The following RADX variants were observed in gnomAD, a reference collection of about 807,000 sequenced individuals.
RADX encodes the protein RPA-related protein RADX.
A neutral mutation model predicts 61.6 loss-of-function variants in RADX; 36 were observed. The ratio of observed to expected loss-of-function variants is 0.58; its 90% confidence interval spans 0.45 to 0.77. The LOEUF (loss-of-function observed/expected upper bound fraction) is 0.77, where lower values mean the gene tolerates loss of function less well. Among genes scored for constraint, RADX ranks in the 30% least tolerant of loss-of-function variants. The pLI is 0.00. For synonymous variants in RADX, 272 were observed against 237.9 expected (o/e 1.14, Z -1.32); for missense variants, 497 against 651.1 (o/e 0.76, Z 2.58).
Position 106,622,688 on chromosome X carries a change from C to G in RADX, c.681C>G (p.Thr227=), listed in dbSNP as rs762304799. Residue 227 remains threonine, a synonymous_variant, in exon 2 of 14, where the codon ACC becomes ACG. Coordinates refer to ENST00000372548, the MANE Select transcript of RADX (RefSeq NM_018015.6). ...TTTCCCTTTCTCATCTTGAAATGACCTGGACTAACAGAAGAAATTTTCCTG... is the reference window on the plus strand; with the variant it reads ...TTTCCCTTTCTCATCTTGAAATGACGTGGACTAACAGAAGAAATTTTCCTG... ...KIISLSHLEM[T]WTNRRNFPAL... is the part of the protein sequence containing the mutation. 4.3e-6 allele frequency: 5 copies of G among 1,167,563 alleles called. No homozygotes were observed. The African/African-American group carries it at 9.0e-5, about 21-fold the overall frequency.
intron 11 of RADX, among the ~76,000 whole-genome samples, chrX:106,661,010 A>G (rs1443920976): frequency 9.0e-6 from 1 of 111,030 alleles, no homozygotes. Context: ...CACTTATAAA[A>G]CCATCAGATC....
intron 1 of RADX, among the ~76,000 whole-genome samples, chrX:106,622,136 G>T (rs1270731586): frequency 9.1e-6 from 1 of 109,834 alleles, no homozygotes; most frequent in Non-Finnish European, 1.9e-5. Context: ...TGGGGGTTTT[G>T]CCATGTTGCC....
At chrX:106,627,336 C>T in intron 3 of RADX, among the ~76,000 whole-genome samples, 1 of 111,484 alleles carries the variant, frequency 9.0e-6, no homozygotes, top group East Asian at 2.8e-4. Context: ...CTAGCATTTT[C>T]TTTATTTTTA....
chrX:106,615,361 A>G lies in RADX; in HGVS notation c.643+2638A>G, dbSNP rs371620908. The stretch of plus-strand genomic sequence containing the variant: ...AGGCAAGATTTGGCTTGTGGGCTGT[A>G]TAATTTGCTGACCCCTGCCCTACAG... On this transcript the variant is annotated intron_variant, in intron 1 of 13. Transcript: ENST00000372548. 3.6e-5 allele frequency among the ~76,000 whole-genome samples: 4 copies of G among 111,379 alleles called. No homozygotes were observed. The East Asian group carries it at 8.5e-4, about 24-fold the overall frequency.
At chrX:106,669,481 T>C (rs1165554781) in intron 13 of RADX, 151 bp downstream of exon 13, 2 of 410,547 alleles carry the variant, frequency 4.9e-6, no homozygotes, top group Non-Finnish European at 8.3e-6. Flanking sequence ...CCAAGACTTA[T>C]AAATGAGAAT....
Position 106,632,102 on chromosome X carries a change from C to T in RADX, c.980-523C>T, listed in dbSNP as rs968436847. Among the ~76,000 whole-genome samples, 21 of 111,651 alleles carry T rather than the reference C, an allele frequency of 1.9e-4. 1 individual carries two copies. The highest frequency in any genetic ancestry group is 3.8e-5 in the Non-Finnish European group (2 of 53,071). ...GACACATACAAAAATTTTTAAACAACCCTATGTATAATAGTAAAAACCTGG... is the reference window on the plus strand; with the variant it reads ...GACACATACAAAAATTTTTAAACAATCCTATGTATAATAGTAAAAACCTGG... On this transcript the variant is annotated intron_variant, in intron 3 of 13. Coordinates refer to ENST00000372548, the MANE Select transcript of RADX (RefSeq NM_018015.6).
At chrX:106,640,283 G>A (rs1231544666) in intron 9 of RADX, among the ~76,000 whole-genome samples, 5 of 111,154 alleles carry the variant, frequency 4.5e-5, no homozygotes, top group African/African-American at 6.5e-5. Context: ...TAAACACTAC[G>A]TCCAGGACTA....
intron 13 of RADX, among the ~76,000 whole-genome samples, chrX:106,674,753 C>T (rs746577963): frequency 2.2e-4 from 25 of 111,637 alleles, no homozygotes; most frequent in Non-Finnish European, 3.2e-4. Flanking sequence ...TGGCCAGGCG[C>T]GGTGGCTCAC....
intron 11 of RADX, among the ~76,000 whole-genome samples, chrX:106,651,696 A>G (rs1371009506): frequency 9.0e-6 from 1 of 111,452 alleles, no homozygotes; most frequent in African/African-American, 3.3e-5. Context: ...CTTTATGGAA[A>G]ATAGAGATTT....
At chrX:106,659,612 T>C (rs1928038530) in intron 11 of RADX, among the ~76,000 whole-genome samples, 1 of 111,688 alleles carries the variant, frequency 9.0e-6, no homozygotes, top group African/African-American at 3.2e-5. Flanking sequence ...TGATTTTCCA[T>C]CTTATTTTTA....
chrX:106,652,792 G>A (rs1927827611), intron 11 of RADX, among the ~76,000 whole-genome samples: 2 of 107,548 alleles, frequency 1.9e-5, no homozygotes, highest in South Asian at 8.2e-4. Flanking sequence ...ATACACATAA[G>A]TCACAAAGGA....
chrX:106,659,522 A>G (rs1928035890), intron 11 of RADX, among the ~76,000 whole-genome samples: 4 of 112,041 alleles, frequency 3.6e-5, no homozygotes, highest in African/African-American at 1.3e-4. Flanking sequence ...TAATTAACCT[A>G]TATTTTAGCT....
Position 106,678,296 on chromosome X carries a change from T to G in RADX, c.*38T>G, listed in dbSNP as rs1928559248. ...GAAATTATTACAGATTATACGAGTG[T>G]ACTGCTTTAAAGATATTCCATCATT... is the stretch of plus-strand genomic sequence containing the variant. On this transcript the variant is annotated 3_prime_UTR_variant, in exon 14 of 14. Transcript: ENST00000372548. The G allele has an allele frequency of 4.1e-4, 404 of 986,176 alleles. No individual in the cohort carries two copies. The highest frequency in any genetic ancestry group is 5.3e-4 in the Non-Finnish European group (372 of 707,015). 81.3% of individuals were successfully genotyped at this position (986,176 alleles called of 1,213,427 possible). A position where few individuals can be genotyped will look rare whatever the true frequency, so the allele number is the denominator to read the frequency against.
chrX:106,667,018 TC>T (rs1484839232), intron 12 of RADX, among the ~76,000 whole-genome samples: 2 of 112,593 alleles, frequency 1.8e-5, no homozygotes, highest in Admixed American at 9.4e-5. Flanking sequence ...CTAGCACTCT[TC>T]TAAGTGCTGA....
intron 13 of RADX, among the ~76,000 whole-genome samples, chrX:106,677,262 G>A (rs1056974712): frequency 8.9e-6 from 1 of 112,170 alleles, no homozygotes; most frequent in African/African-American, 3.2e-5. Context: ...CTTCATGACT[G>A]CCCCTTATCT....
chrX:106,651,399 TAGTC>T, intron 11 of RADX, among the ~76,000 whole-genome samples: 1 of 111,485 alleles, frequency 9.0e-6, no homozygotes, highest in East Asian at 2.8e-4. Context: ...TATTTTCAGA[TAGTC>T]AGAGACTAAA....
intron 8 of RADX, chrX:106,639,264 T>C: frequency 3.9e-6 from 1 of 256,923 alleles, no homozygotes; most frequent in Admixed American, 6.4e-5. Context: ...GTTTGAAATA[T>C]AATATGTAAA....
At chrX:106,622,350 T>C (rs1487396417) in intron 1 of RADX, among the ~76,000 whole-genome samples, 2 of 110,471 alleles carry the variant, frequency 1.8e-5, no homozygotes, top group African/African-American at 6.6e-5. Context: ...AATCCAGGTT[T>C]TCCAGGAAGT....
At chrX:106,663,131 C>T (rs754434262) in intron 12 of RADX, among the ~76,000 whole-genome samples, 6 of 111,602 alleles carry the variant, frequency 5.4e-5, no homozygotes, top group Non-Finnish European at 7.5e-5. Context: ...TAATGTAGTT[C>T]ATGGATTTTT....
Sources: gnomAD v4.1 joint callset for allele counts (sites outside exome capture counted in the v4.1 genomes callset) on GRCh38, gnomAD v4.1.1 for gene constraint, MANE v1.5 for transcripts, NCBI Gene and HGNC (gene_info 2026-07-23, HGNC 2026-07-21) for gene names.